Variants in NALCN observed in about 807,000 individuals in gnomAD.
NALCN encodes the protein sodium leak channel NALCN.
NALCN carries 111 observed loss-of-function variants against 225.3 expected under a neutral mutation model. The observed-to-expected ratio is 0.49, with a 90% CI of 0.42 to 0.58. The LOEUF (loss-of-function observed/expected upper bound fraction) is 0.58, where lower values mean the gene tolerates loss of function less well. Among genes scored for constraint, NALCN ranks in the 20% least tolerant of loss-of-function variants. The pLI is 0.00. For synonymous variants in NALCN, 764 were observed against 769.0 expected, an observed-to-expected ratio of 0.99 and a Z score of 0.11; for missense variants, 1,378 against 2,202.4, an observed-to-expected ratio of 0.63 and a Z score of 7.49.
intron 15 of NALCN, among the ~76,000 whole-genome samples, chr13:101,160,222 G>A (rs1056679595): frequency 1.3e-5 from 2 of 152,218 alleles, no homozygotes; most frequent in African/African-American, 2.4e-5. Flanking sequence ...CCAAAGGAGA[G>A]AGAAGTTTTC....
intron 18 of NALCN, among the ~76,000 whole-genome samples, chr13:101,118,926 G>T (rs76922499): frequency 0.045 from 6,827 of 152,214 alleles, 254 homozygotes; most frequent in Non-Finnish European, 0.062. Flanking sequence ...CAGTGTACAG[G>T]GTGTCTTGCT....
intron 7 of NALCN, among the ~76,000 whole-genome samples, chr13:101,337,102 C>T (rs2045400956): frequency 6.6e-6 from 1 of 152,064 alleles, no homozygotes; most frequent in Non-Finnish European, 1.5e-5. Flanking sequence ...ACTGCATTGC[C>T]TCCCAGGTAC....
At chr13:101,150,300 A>G (rs1014892477) in intron 15 of NALCN, among the ~76,000 whole-genome samples, 3 of 152,192 alleles carry the variant, frequency 2.0e-5, no homozygotes, top group Admixed American at 6.5e-5. Flanking sequence ...GGCACAGTCA[A>G]TATTTCCTGA....
At chr13:101,304,634 C>T (rs527464468) in intron 7 of NALCN, among the ~76,000 whole-genome samples, 14 of 152,150 alleles carry the variant, frequency 9.2e-5, no homozygotes, top group East Asian at 7.7e-4. Context: ...GACCAGGTTT[C>T]GCCATGTTGC....
At chr13:101,260,694 TC>T (rs1178580003) in intron 10 of NALCN, among the ~76,000 whole-genome samples, 1 of 152,240 alleles carries the variant, frequency 6.6e-6, no homozygotes, top group Non-Finnish European at 1.5e-5. Flanking sequence ...TCTATTCAAA[TC>T]TTTTGCCCAT....
intron 13 of NALCN, among the ~76,000 whole-genome samples, chr13:101,215,410 G>C (rs1386618008): frequency 6.6e-6 from 1 of 152,124 alleles, no homozygotes; most frequent in East Asian, 1.9e-4. Context: ...AAACGAAGCA[G>C]CTTAACACTC....
At chr13:101,356,531 G>A (rs1053349824) in intron 6 of NALCN, among the ~76,000 whole-genome samples, 3 of 152,018 alleles carry the variant, frequency 2.0e-5, no homozygotes, top group African/African-American at 7.3e-5. Flanking sequence ...TGAAATTGAG[G>A]TAGTAATTAA....
intron 13 of NALCN, among the ~76,000 whole-genome samples, chr13:101,198,656 G>C: frequency 6.6e-6 from 1 of 152,188 alleles, no homozygotes; most frequent in Non-Finnish European, 1.5e-5. Flanking sequence ...TGCTGGAGAG[G>C]ATGTGGAGAA....
chr13:101,381,506 T>TA (rs1449761272), intron 3 of NALCN, among the ~76,000 whole-genome samples: 1 of 152,112 alleles, frequency 6.6e-6, no homozygotes, highest in Non-Finnish European at 1.5e-5. Flanking sequence ...ATAGCCCATA[T>TA]AAAATTGACT....
At chr13:101,281,504 T>C (rs1225811457) in intron 10 of NALCN, among the ~76,000 whole-genome samples, 1 of 152,170 alleles carries the variant, frequency 6.6e-6, no homozygotes, top group Non-Finnish European at 1.5e-5. Flanking sequence ...CTATTAGTAG[T>C]GATAGTAGGA....
intron 13 of NALCN, among the ~76,000 whole-genome samples, chr13:101,226,355 C>T (rs1279409278): frequency 1.3e-5 from 2 of 152,264 alleles, no homozygotes; most frequent in East Asian, 3.9e-4. Context: ...CTTAAATACC[C>T]TTAGTCTGTA....
At chr13:101,236,603 G>A (rs1241418394) in intron 12 of NALCN, among the ~76,000 whole-genome samples, 1 of 152,046 alleles carries the variant, frequency 6.6e-6, no homozygotes, top group Non-Finnish European at 1.5e-5. Context: ...ATGAGTTCAT[G>A]TCCTTTGTAG....
At chr13:101,190,745 TC>T (rs2039647307) in intron 14 of NALCN, among the ~76,000 whole-genome samples, 1 of 152,222 alleles carries the variant, frequency 6.6e-6, no homozygotes, top group Non-Finnish European at 1.5e-5. Context: ...AGGACTTATT[TC>T]ATTCATAGAT....
At chr13:101,355,573 G>T (rs2139340585) in intron 6 of NALCN, among the ~76,000 whole-genome samples, 1 of 152,238 alleles carries the variant, frequency 6.6e-6, no homozygotes, top group African/African-American at 2.4e-5. Flanking sequence ...TCCACAAAGA[G>T]ACTTAGACTC....
At chr13:101,390,557 T>C (rs752119302) in intron 3 of NALCN, among the ~76,000 whole-genome samples, 3 of 151,840 alleles carry the variant, frequency 2.0e-5, no homozygotes, top group Non-Finnish European at 4.4e-5. Context: ...GGAAAATATA[T>C]CCGTAACTAT....
At chr13:101,207,303 C>G (rs187532723) in intron 13 of NALCN, among the ~76,000 whole-genome samples, 74 of 152,174 alleles carry the variant, frequency 4.9e-4, no homozygotes, top group African/African-American at 1.7e-3. Context: ...TAAATCTTGT[C>G]CATTTGACAT....
chr13:101,193,067 C>T (rs939634155), intron 13 of NALCN, among the ~76,000 whole-genome samples: 1 of 151,100 alleles, frequency 6.6e-6, no homozygotes, highest in African/African-American at 2.4e-5. Context: ...TAAAGATAGA[C>T]CTAATCTGGT....
chr13:101,176,528 G>A (rs959778477), intron 14 of NALCN, among the ~76,000 whole-genome samples, 154 bp from the exon 15 acceptor site: 1 of 152,086 alleles, frequency 6.6e-6, no homozygotes, highest in Non-Finnish European at 1.5e-5. Context: ...GCATTTCAAG[G>A]TATTTATCAC....
Position 101,188,680 on chromosome 13 carries a change from G to GTA in NALCN, c.1764+3235_1764+3236dup, listed in dbSNP as rs71912796. On this transcript the variant is annotated intron_variant, in intron 14 of 43. Transcript: ENST00000251127. ...CGTGTGTGTGTGTGTCTGTGTGTGT[G>GTA]TATATATATATATATTTTTTTGAGA... Among the ~76,000 whole-genome samples the GTA allele has an allele frequency of 2.0e-4, 30 of 148,464 alleles. No individual in the cohort carries two copies. The South Asian group carries it at 2.6e-3, about 13-fold the overall frequency.
Sources: allele counts gnomAD v4.1 joint callset (sites outside exome capture counted in the v4.1 genomes callset), GRCh38; gene constraint gnomAD v4.1.1; transcripts MANE v1.5; gene names NCBI Gene and HGNC (gene_info 2026-07-23, HGNC 2026-07-21).